DIPK1B: variants seen among roughly 807,000 people sequenced by gnomAD.
The protein encoded by DIPK1B is divergent protein kinase domain 1B.
Under a neutral mutation model 20.7 loss-of-function variants are expected in DIPK1B, and 17 were observed. The ratio of observed to expected loss-of-function variants is 0.82; its 90% CI spans 0.56 to 1.23. The LOEUF is 1.23. DIPK1B is among the 50% of genes most tolerant of loss of function. The pLI is 0.00. For synonymous variants in DIPK1B, 343 were observed against 276.5 expected, an observed-to-expected ratio of 1.24 and a Z score of -2.39; for missense variants, 648 against 601.8, an observed-to-expected ratio of 1.08 and a Z score of -0.80.
chr9:136,719,528 C>T (rs1475956945), intron 2 of DIPK1B, among the ~76,000 whole-genome samples: 6 of 152,230 alleles, frequency 3.9e-5, no homozygotes, highest in African/African-American at 9.6e-5. Context: ...AGGGCCCTCG[C>T]GAGGCCAAGA....
At chr9:136,719,032 T>C (rs1314891242) in intron 2 of DIPK1B, among the ~76,000 whole-genome samples, 1 of 151,256 alleles carries the variant, frequency 6.6e-6, no homozygotes, top group East Asian at 1.9e-4. Flanking sequence ...GGGTGGCACA[T>C]GGGGCTCGTC....
chr9:136,722,082 G>C (rs1218112130), intron 3 of DIPK1B, 43 bp from the exon 4 acceptor site: 6 of 1,613,496 alleles, frequency 3.7e-6, no homozygotes, highest in Non-Finnish European at 5.1e-6. Context: ...CCGTGCAGTG[G>C]GAGGGGGATG....
At chr9:136,720,264 C>T (rs73554034) in intron 2 of DIPK1B, among the ~76,000 whole-genome samples, 4,400 of 152,192 alleles carry the variant, frequency 0.029, 213 homozygotes, top group African/African-American at 0.1. Context: ...CCGGGACAGA[C>T]GCTGCCTTCA....
At chr9:136,722,506 C>T (rs553217278) in intron 4 of DIPK1B, 2 of 654,786 alleles carry the variant, frequency 3.1e-6, no homozygotes, top group African/African-American at 1.8e-5. Flanking sequence ...TTGGGGGCGC[C>T]GGTGGGCTGG....
At chr9:136,722,452 G>A in intron 4 of DIPK1B, 151 bp downstream of exon 4, 1 of 958,998 alleles carries the variant, frequency 1.0e-6, no homozygotes, top group Non-Finnish European at 1.5e-6. Context: ...CCCTGGGCAT[G>A]AGCCCTGCCA....
chr9:136,713,486 C>T (rs936590977), intron 1 of DIPK1B, among the ~76,000 whole-genome samples: 7 of 152,240 alleles, frequency 4.6e-5, no homozygotes, highest in African/African-American at 1.7e-4. Flanking sequence ...CAGGGCCTGG[C>T]TGGCCTCAGC....
At chr9:136,721,686 G>A (rs2131046981) in intron 2 of DIPK1B, 1 of 539,408 alleles carries the variant, frequency 1.9e-6, no homozygotes, top group East Asian at 3.2e-5. Context: ...CAGGAGCCAG[G>A]ATGGTGGGGA....
At chr9:136,714,873 G>T (rs1487241870) in intron 1 of DIPK1B, among the ~76,000 whole-genome samples, 5 of 152,358 alleles carry the variant, frequency 3.3e-5, no homozygotes, top group African/African-American at 1.2e-4. Context: ...GGATGCCGGG[G>T]AAGCAGGAGA....
intron 1 of DIPK1B, 118 bp from the exon 2 acceptor site, chr9:136,717,459 G>A: frequency 1.6e-6 from 2 of 1,216,760 alleles, no homozygotes; most frequent in Non-Finnish European, 2.3e-6. Flanking sequence ...GGGGCCAAGG[G>A]GATGGCAGGG....
intron 2 of DIPK1B, among the ~76,000 whole-genome samples, chr9:136,718,277 C>T (rs926253223): frequency 6.8e-6 from 1 of 148,116 alleles, no homozygotes; most frequent in Non-Finnish European, 1.5e-5. Flanking sequence ...CTCACTGGTC[C>T]GGGATAGAGA....
At chr9:136,716,458 G>T (rs1846498188) in intron 1 of DIPK1B, among the ~76,000 whole-genome samples, 1 of 151,834 alleles carries the variant, frequency 6.6e-6, no homozygotes, top group South Asian at 2.1e-4. Flanking sequence ...AGTAGAGATG[G>T]GGTTTTGCCA....
Position 136,724,116 on chromosome 9 carries a change from A to C in DIPK1B, c.*342A>C. On this transcript the variant is annotated 3_prime_UTR_variant, in exon 5 of 5. Coordinates refer to ENST00000371692, the MANE Select transcript of DIPK1B (RefSeq NM_152421.4). ...GCCCCGCTGTGGATCCACCCAGCCC[A>C]GGCACTCAGGCTGGGGTTGAGCCCC... The C allele has an allele frequency of 3.3e-6, 1 of 298,686 alleles. No individual in the cohort carries two copies. The highest frequency in any genetic ancestry group is 6.4e-6 in the Non-Finnish European group (1 of 156,506). 18.5% of individuals were successfully genotyped at this position (298,686 alleles called of 1,614,324 possible).
At chr9:136,722,483 CTGGGGGCAAGGGT>C (rs892388088) in intron 4 of DIPK1B, 182 bp downstream of exon 4, 9 of 782,122 alleles carry the variant, frequency 1.2e-5, no homozygotes, top group East Asian at 8.1e-5. Flanking sequence ...CTCTCCAGGG[CTGGGGGCAAGGGT>C]TGGGGGCGCC....
chr9:136,718,097 T>C (rs1323684188), intron 2 of DIPK1B, among the ~76,000 whole-genome samples: 1 of 148,416 alleles, frequency 6.7e-6, no homozygotes, highest in Non-Finnish European at 1.5e-5. Context: ...CCTCACTGGA[T>C]GGGATAGAGA....
At chr9:136,716,004 T>C (rs1181787716) in intron 1 of DIPK1B, among the ~76,000 whole-genome samples, 1 of 152,052 alleles carries the variant, frequency 6.6e-6, no homozygotes, top group East Asian at 1.9e-4. Context: ...CTCCTTCCTG[T>C]CTCTATGGTT....
In DIPK1B at chr9:136,723,256, C is replaced by A; in HGVS notation, c.778C>A (p.Leu260Ile). The change falls in exon 5 of 5, where the codon CTC becomes ATC. Residue 260 changes from leucine to isoleucine, a missense_variant. Physicochemically the swap from Leu to Ile is conservative, Grantham distance 5 (BLOSUM62 2). Transcript: ENST00000371692. The stretch of plus-strand genomic sequence containing the variant: ...GCTGCCGCCTGCCCTGCAGGGTGCT[C>A]TCCAGCAGTGGCTGGGGCCTGCGTG... ...PLLPPALQGALQQWLGPAWPW... is the reference protein window; with the variant it reads ...PLLPPALQGAIQQWLGPAWPW... 1.9e-6 allele frequency: 3 copies of A among 1,612,658 alleles called. No homozygotes were observed. The highest frequency in any genetic ancestry group is 2.5e-6 in the Non-Finnish European group (3 of 1,179,752).
At position 136,723,487 on chromosome 9, in the gene DIPK1B, A is replaced by G. The variant is rs1337860418; in HGVS notation, c.1009A>G (p.Ser337Gly). 6 of 1,609,946 alleles carry G rather than the reference A, an allele frequency of 3.7e-6. No homozygotes were observed. The Admixed American group carries it at 8.4e-5, about 23-fold the overall frequency. ...CCTGCAGGGCCGCCGCTGCGAGCAC[A>G]GCACCGACTGCACCTACGGGCGCGA... ...RFLQGRRCEH[S>G]TDCTYGRDCR... is the part of the protein sequence containing the mutation. The change falls in exon 5 of 5, where the codon AGC becomes GGC. Residue 337 changes from serine (S) to glycine (G), a missense_variant. Transcript: ENST00000371692.
intron 1 of DIPK1B, among the ~76,000 whole-genome samples, chr9:136,714,377 G>A: frequency 6.6e-6 from 1 of 152,200 alleles, no homozygotes; most frequent in African/African-American, 2.4e-5. Flanking sequence ...AGCTGGCCAG[G>A]CGGAAATAGG....
At chr9:136,721,722 G>T (rs931682608) in intron 2 of DIPK1B, 199 bp from the exon 3 acceptor site, 3 of 584,756 alleles carry the variant, frequency 5.1e-6, no homozygotes, top group Non-Finnish European at 9.1e-6. Flanking sequence ...GGGTTGGCGG[G>T]GCTGCCCCTG....
Sources: gnomAD v4.1 joint callset for allele counts (sites outside exome capture counted in the v4.1 genomes callset) on GRCh38, gnomAD v4.1.1 for gene constraint, MANE v1.5 for transcripts, NCBI Gene and HGNC (gene_info 2026-07-23, HGNC 2026-07-21) for gene names.